The following LARGE1 variants were observed in gnomAD, a reference collection of about 807,000 sequenced individuals.
LARGE1 encodes xylosyl- and glucuronyltransferase LARGE1.
In LARGE1, 43 loss-of-function variants were observed where a neutral mutation model predicts 87.6. The ratio of observed to expected loss-of-function variants is 0.49; its 90% confidence interval spans 0.38 to 0.63. The LOEUF is 0.63. Ranked by LOEUF, LARGE1 falls within the 30% of genes least tolerant of loss-of-function variation. LARGE1 has a pLI of 0.00. For synonymous variants in LARGE1, 434 were observed against 394.6 expected (o/e 1.10, Z -1.18); for missense variants, 802 against 1,000.2 (o/e 0.80, Z 2.67).
intron 6 of LARGE1, among the ~76,000 whole-genome samples, chr22:33,526,520 T>C (rs1416095176): frequency 6.6e-6 from 1 of 152,236 alleles, no homozygotes; most frequent in African/African-American, 2.4e-5. Context: ...GCTAGGTGCC[T>C]GGACTAAGGG....
At chr22:33,129,673 C>G in the LARGE1 span, among the ~76,000 whole-genome samples, 3 of 129,002 alleles carry the variant, frequency 2.3e-5, no homozygotes, top group Non-Finnish European at 5.2e-5. Context: ...TTCTTCATGG[C>G]TGGGAGGCCT....
Position 33,468,080 on chromosome 22 carries a change from G to C in LARGE1, c.788-35815C>G, listed in dbSNP as rs148392485. ...TGGAAGCAACCTGTCATGTTTCCTAGGATGGGGTAATGCTAATCAACAGCG... is the reference window on the plus strand; with the variant it reads ...TGGAAGCAACCTGTCATGTTTCCTACGATGGGGTAATGCTAATCAACAGCG... On this transcript the variant is annotated intron_variant, in intron 6 of 14. Transcript: ENST00000397394. 5.6e-3 allele frequency among the ~76,000 whole-genome samples: 856 copies of C among 152,298 alleles called. 5 individuals are homozygous for C. Among genetic ancestry groups the C allele is most frequent in the African/African-American group, 0.019 (804 of 41,542 alleles).
At chr22:33,748,131 G>GTTT (rs1470881901) in intron 2 of LARGE1, among the ~76,000 whole-genome samples, 2 of 130,362 alleles carry the variant, frequency 1.5e-5, no homozygotes. Context: ...ATCAATGCAG[G>GTTT]TTTGTTTTTT....
chr22:33,424,218 T>C (rs930414764), intron 7 of LARGE1, among the ~76,000 whole-genome samples: 2 of 152,178 alleles, frequency 1.3e-5, no homozygotes, highest in African/African-American at 4.8e-5. Context: ...TTTTAAGTGA[T>C]TCAGAACAGT....
chr22:33,109,785 G>A, the LARGE1 span, among the ~76,000 whole-genome samples: 3 of 152,122 alleles, frequency 2.0e-5, no homozygotes, highest in African/African-American at 7.2e-5. Flanking sequence ...GTTCACTGGA[G>A]ATCTGGTTGT....
At chr22:33,089,994 A>C in the LARGE1 span, among the ~76,000 whole-genome samples, 1 of 152,050 alleles carries the variant, frequency 6.6e-6, no homozygotes, top group Non-Finnish European at 1.5e-5. Flanking sequence ...TCCTGCCGTC[A>C]GAGTTCAAGA....
chr22:33,735,713 A>C (rs2083632007), intron 2 of LARGE1, among the ~76,000 whole-genome samples: 1 of 152,182 alleles, frequency 6.6e-6, no homozygotes, highest in Non-Finnish European at 1.5e-5. Context: ...TTTTTAGGGT[A>C]TTCAGAGTTG....
At chr22:33,151,748 C>G in the LARGE1 span, among the ~76,000 whole-genome samples, 2 of 152,164 alleles carry the variant, frequency 1.3e-5, no homozygotes, top group Admixed American at 6.5e-5. Context: ...TTTTTGCACA[C>G]TGAAACAGCC....
At chr22:33,611,154 C>T (rs553995664) in intron 4 of LARGE1, among the ~76,000 whole-genome samples, 1 of 152,358 alleles carries the variant, frequency 6.6e-6, no homozygotes, top group Non-Finnish European at 1.5e-5. Context: ...AGACCCCACA[C>T]AAAGTCCCCT....
intron 11 of LARGE1, among the ~76,000 whole-genome samples, chr22:33,202,589 T>G (rs1311060579): frequency 2.6e-5 from 4 of 152,220 alleles, no homozygotes; most frequent in Non-Finnish European, 5.9e-5. Context: ...GTCTGAGAAC[T>G]AAATAACCTG....
chr22:33,172,657 G>T (rs1431214301), intron 11 of LARGE1, among the ~76,000 whole-genome samples: 1 of 152,040 alleles, frequency 6.6e-6, no homozygotes, highest in African/African-American at 2.4e-5. Flanking sequence ...AGAATAATGT[G>T]CTAAGTATCA....
the LARGE1 span, among the ~76,000 whole-genome samples, chr22:33,128,680 C>CAAAAA: frequency 5.4e-5 from 6 of 110,276 alleles, no homozygotes; most frequent in African/African-American, 1.1e-4. Context: ...GTCTCAAAAA[C>CAAAAA]AAAAAAAAAA....
intron 6 of LARGE1, among the ~76,000 whole-genome samples, chr22:33,450,328 A>G (rs186373282): frequency 3.3e-5 from 5 of 152,008 alleles, no homozygotes; most frequent in Admixed American, 2.0e-4. Context: ...GAAAAAGAAC[A>G]TGAGAACTCC....
intron 6 of LARGE1, among the ~76,000 whole-genome samples, chr22:33,454,832 C>T (rs1422294873): frequency 9.2e-5 from 14 of 151,840 alleles, no homozygotes; most frequent in Admixed American, 9.2e-4. Context: ...GACCAGATCT[C>T]GAGAGAACTC....
chr22:33,810,165 G>T (rs2086448334), intron 1 of LARGE1, among the ~76,000 whole-genome samples: 1 of 152,204 alleles, frequency 6.6e-6, no homozygotes, highest in Admixed American at 6.5e-5. Context: ...TTATCTCATG[G>T]AATATGTAAC....
chr22:33,807,281 T>C (rs1200450723), intron 1 of LARGE1, among the ~76,000 whole-genome samples: 1 of 152,018 alleles, frequency 6.6e-6, no homozygotes, highest in Non-Finnish European at 1.5e-5. Flanking sequence ...ATTAAATAAA[T>C]TAATCTACAC....
chr22:33,468,343 T>C (rs2068699850), intron 6 of LARGE1, among the ~76,000 whole-genome samples: 1 of 152,172 alleles, frequency 6.6e-6, no homozygotes, highest in Non-Finnish European at 1.5e-5. Context: ...CAGTGATGCC[T>C]CTAGTCCCAG....
At chr22:33,464,877 A>T (rs1360896423) in intron 6 of LARGE1, among the ~76,000 whole-genome samples, 1 of 115,732 alleles carries the variant, frequency 8.6e-6, no homozygotes, top group African/African-American at 4.7e-5. Context: ...CACACTGCAC[A>T]CACATGCACA....
chr22:33,119,296 TTAAG>T, the LARGE1 span, among the ~76,000 whole-genome samples: 2 of 152,222 alleles, frequency 1.3e-5, no homozygotes, highest in Non-Finnish European at 2.9e-5. Flanking sequence ...GATGATCTCT[TTAAG>T]TAAGAATCTG....
Sources: allele counts gnomAD v4.1 joint callset (sites outside exome capture counted in the v4.1 genomes callset), GRCh38; gene constraint gnomAD v4.1.1; transcripts MANE v1.5; gene names NCBI Gene and HGNC (gene_info 2026-07-23, HGNC 2026-07-21).